The following MIER3 variants were observed in gnomAD, a reference collection of about 807,000 sequenced individuals.
The protein encoded by MIER3 is MIER family member 3.
In MIER3, 9 loss-of-function variants were observed where a neutral mutation model predicts 63.2. The ratio of observed to expected loss-of-function variants is 0.14; its 90% CI spans 0.09 to 0.25. The LOEUF (loss-of-function observed/expected upper bound fraction) is 0.25, where lower values mean the gene tolerates loss of function less well. MIER3 is among the 10% of genes least tolerant of loss of function. MIER3 has a pLI of 1.00. For missense variants in MIER3, 512 were observed against 666.2 expected, an observed-to-expected ratio of 0.77 and a Z score of 2.55; for synonymous variants, 205 against 224.9, an observed-to-expected ratio of 0.91 and a Z score of 0.79.
At chr5:56,952,012 C>T (rs1265536407) in intron 1 of MIER3, 82 bp downstream of exon 1, 23 of 1,149,538 alleles carry the variant, frequency 2.0e-5, no homozygotes, top group Admixed American at 8.6e-5. Context: ...AGCCCCGGAT[C>T]CCCCAGGCTG....
At position 56,952,085 on chromosome 5, in the gene MIER3, C is replaced by T; in HGVS notation, c.9+9G>A. The T allele has an allele frequency of 1.5e-6, 2 of 1,303,548 alleles. No homozygotes were observed. Among genetic ancestry groups the T allele is most frequent in the Non-Finnish European group, 2.0e-6 (2 of 1,008,304 alleles). The allele number at this position is 1,303,548 out of a possible 1,614,324, so 80.7% of individuals were successfully genotyped here. A position where few individuals can be genotyped will look rare whatever the true frequency, so the allele number is the denominator to read the frequency against. Reference sequence around the variant, plus strand: ...AGCCCGGCTGCTCCTGCCCGGTTTCCCTGCTCACCTCCGCCATATTGGTAC... The same window carrying T: ...AGCCCGGCTGCTCCTGCCCGGTTTCTCTGCTCACCTCCGCCATATTGGTAC... On this transcript the variant is annotated intron_variant, in intron 1 of 12. Transcript: ENST00000381199.
chr5:56,931,798 T>C (rs1418500556), intron 8 of MIER3, among the ~76,000 whole-genome samples: 1 of 152,166 alleles, frequency 6.6e-6, no homozygotes, highest in Non-Finnish European at 1.5e-5. Context: ...AAAAGTGTAA[T>C]TTAATAATGA....
chr5:56,927,775 G>A (rs1750065450), intron 10 of MIER3: 1 of 152,078 alleles, frequency 6.6e-6, no homozygotes, highest in African/African-American at 2.4e-5. Flanking sequence ...ACATTCTATG[G>A]GTTTTGACAA....
At chr5:56,932,898 T>TG (rs1181953174) in intron 8 of MIER3, among the ~76,000 whole-genome samples, 4 of 151,712 alleles carry the variant, frequency 2.6e-5, no homozygotes, top group Non-Finnish European at 5.9e-5. Context: ...TAGGGAAAAA[T>TG]TTTTTTTAAA....
chr5:56,950,636 G>C lies in MIER3; in HGVS notation c.26C>G (p.Ser9Trp), dbSNP rs1388359408. 6.2e-7 allele frequency: 1 copy of C among 1,613,770 alleles called. No homozygotes were observed. Among genetic ancestry groups the C allele is most frequent in the South Asian group, 1.1e-5 (1 of 90,976 alleles). MAEASFGSSSPVGSLSSED... is the reference protein window; with the variant it reads MAEASFGSWSPVGSLSSED... The stretch of plus-strand genomic sequence containing the variant: ...AAGAAAATAGGACAAACCTGGGCTC[G>C]AACTTCCAAAAGAAGCCTAGGAGAG... The change falls in exon 2 of 13, where the codon TCG (serine) becomes TGG (tryptophan). Residue 9 changes from serine (S) to tryptophan (W), a missense_variant. Ser to Trp is a radical substitution (Grantham distance 177). Around this residue, in one of 5 missense-constraint regions of MIER3, gnomAD observed 98 missense variants for 107.4 expected, o/e 0.91. Transcript: ENST00000381199.
rs540222752 is a variant in MIER3 at position 56,921,629 on chromosome 5, T to C, written c.*1499A>G. The C allele has an allele frequency of 2.0e-5, 3 of 152,720 alleles. No individual in the cohort carries two copies. The highest frequency in any genetic ancestry group is 7.2e-5 in the African/African-American group (3 of 41,566). The allele number at this position is 152,720 out of a possible 1,614,324, so 9.5% of individuals were successfully genotyped here. ...CAGTTTGTATAATAAATACCCTCCC[T>C]TTCAATCACTACTAAGATCACTACA... On this transcript the variant is annotated 3_prime_UTR_variant, in exon 13 of 13. Coordinates refer to ENST00000381199, the MANE Select transcript of MIER3 (RefSeq NM_001297599.2).
intron 3 of MIER3, among the ~76,000 whole-genome samples, chr5:56,945,287 A>G (rs1750790030): frequency 6.6e-6 from 1 of 151,886 alleles, no homozygotes; most frequent in Admixed American, 6.6e-5. Context: ...ACATGGCAAA[A>G]CCCCGTCTCT....
intron 3 of MIER3, among the ~76,000 whole-genome samples, chr5:56,940,632 C>T (rs939076701): frequency 6.6e-6 from 1 of 152,200 alleles, no homozygotes; most frequent in Non-Finnish European, 1.5e-5. Flanking sequence ...CATAAATGAT[C>T]ATGAAAATCT....
Sources: gnomAD v4.1 joint callset for allele counts (sites outside exome capture counted in the v4.1 genomes callset) on GRCh38, gnomAD v4.1.1 for gene constraint, gnomAD v4.1.1 regional missense constraint, MANE v1.5 for transcripts, NCBI Gene and HGNC (gene_info 2026-07-23, HGNC 2026-07-21) for gene names.